Variants in HOXB3 observed in about 807,000 individuals in gnomAD.
The protein encoded by HOXB3 is homeobox B3, also known as homeobox protein Hox-B3.
A neutral mutation model predicts 29.2 loss-of-function variants in HOXB3; 17 were observed. The observed-to-expected ratio is 0.58, with a 90% confidence interval of 0.40 to 0.87. The LOEUF (loss-of-function observed/expected upper bound fraction) is 0.87. Among genes scored for constraint, HOXB3 ranks in the 40% least tolerant of loss-of-function variants. HOXB3 has a pLI of 0.00. For synonymous variants in HOXB3, 317 were observed against 285.9 expected (o/e 1.11, Z -1.10); for missense variants, 637 against 616.3 (o/e 1.03, Z -0.35).
At chr17:48,578,054 A>G (rs2144891453) in intron 1 of HOXB3, 1 of 844,586 alleles carries the variant, frequency 1.2e-6, no homozygotes, top group Non-Finnish European at 1.5e-6. Context: ...CCGAGGGGAC[A>G]GACCGGGCGG....
At chr17:48,577,910 T>G (rs754555274) in intron 1 of HOXB3, 1 of 1,376,854 alleles carries the variant, frequency 7.3e-7, no homozygotes, top group Non-Finnish European at 9.4e-7. Flanking sequence ...GACGGGCTCT[T>G]TGCACGCGGA....
At chr17:48,568,945 A>C (rs2069484367) in intron 2 of HOXB3, among the ~76,000 whole-genome samples, 1 of 152,184 alleles carries the variant, frequency 6.6e-6, no homozygotes, top group Non-Finnish European at 1.5e-5. Flanking sequence ...AAGACGCGGT[A>C]GGTAGTGAGA....
At chr17:48,562,044 A>C (rs929365047) in intron 2 of HOXB3, among the ~76,000 whole-genome samples, 1 of 152,076 alleles carries the variant, frequency 6.6e-6, no homozygotes. Flanking sequence ...CTGAGCACCA[A>C]CCCGATGCCT....
chr17:48,572,706 T>C (rs1044641644), intron 2 of HOXB3, among the ~76,000 whole-genome samples: 1 of 152,204 alleles, frequency 6.6e-6, no homozygotes, highest in African/African-American at 2.4e-5. Flanking sequence ...TTACGTTTTT[T>C]TCCCCCAGTG....
chr17:48,563,998 C>T (rs2069292073), intron 2 of HOXB3, among the ~76,000 whole-genome samples: 1 of 152,200 alleles, frequency 6.6e-6, no homozygotes, highest in African/African-American at 2.4e-5. Context: ...ACACGCCCAC[C>T]CAAACAGCTC....
At chr17:48,573,138 C>T (rs1052373198) in intron 2 of HOXB3, among the ~76,000 whole-genome samples, 13 of 152,184 alleles carry the variant, frequency 8.5e-5, no homozygotes, top group African/African-American at 3.1e-4. Flanking sequence ...CCAAACCAAA[C>T]CAAACCAACA....
intron 1 of HOXB3, among the ~76,000 whole-genome samples, chr17:48,585,690 C>G (rs956503271): frequency 6.6e-6 from 1 of 152,258 alleles, no homozygotes; most frequent in Admixed American, 6.5e-5. Context: ...TTTCTCCCTC[C>G]TTGGGATCCC....
In HOXB3 at chr17:48,552,584, A is replaced by G. The variant is rs866397269; in HGVS notation, c.-110T>C. The G allele has an allele frequency of 8.1e-4, 479 of 592,334 alleles. 6 individuals carry two copies. In the African/African-American group the frequency reaches 0.014, roughly 18 times the overall value. The allele number at this position is 592,334 out of a possible 1,614,324, so 36.7% of individuals were successfully genotyped here. A position where few individuals can be genotyped will look rare whatever the true frequency, so the allele number is the denominator to read the frequency against. The stretch of plus-strand genomic sequence containing the variant: ...GTGACACGCCGGACCCCCCCCCCCC[A>G]CCTCCCCTCTCTGCCCCCCTCCTCC... On this transcript the variant is annotated 5_prime_UTR_variant, in exon 4 of 5. Coordinates refer to ENST00000498678, the MANE Select transcript of HOXB3 (RefSeq NM_001384749.1).
chr17:48,572,586 G>A (rs2069618445), intron 2 of HOXB3, among the ~76,000 whole-genome samples: 1 of 152,202 alleles, frequency 6.6e-6, no homozygotes, highest in Non-Finnish European at 1.5e-5. Flanking sequence ...GGACCTGGGA[G>A]TGGTTGCGGG....
rs190646248 is a variant in HOXB3 at position 48,588,085 on chromosome 17, G to A, written c.-425+2040C>T. 3.8e-3 allele frequency among the ~76,000 whole-genome samples: 580 copies of A among 152,328 alleles called. 5 individuals carry two copies. The highest frequency in any genetic ancestry group is 0.013 in the African/African-American group (556 of 41,568). ...AGAGGGAGACAGCCTGGGAGGGCAG[G>A]AGGAGAGGACAGAGGTCTGGGGCAG... On this transcript the variant is annotated intron_variant, in intron 1 of 4. Transcript: ENST00000498678.
chr17:48,576,302 C>T (rs2069758342), intron 1 of HOXB3: 1 of 156,390 alleles, frequency 6.4e-6, no homozygotes, highest in African/African-American at 2.4e-5. Flanking sequence ...CACCGAGGCC[C>T]GTCTTCTCCT....
intron 1 of HOXB3, among the ~76,000 whole-genome samples, chr17:48,586,694 C>T (rs1468147224): frequency 6.6e-6 from 1 of 152,158 alleles, no homozygotes; most frequent in Non-Finnish European, 1.5e-5. Context: ...CGCCTCCTTC[C>T]TTTTCATTTA....
Position 48,574,012 on chromosome 17 carries a change from T to C in HOXB3, c.-422A>G. The C allele has an allele frequency of 4.7e-6, 3 of 635,670 alleles. No homozygotes were observed. Among genetic ancestry groups the C allele is most frequent in the Non-Finnish European group, 2.8e-6 (1 of 356,426 alleles). 39.4% of individuals were successfully genotyped at this position (635,670 alleles called of 1,614,324 possible). A position where few individuals can be genotyped will look rare whatever the true frequency, so the allele number is the denominator to read the frequency against. ...CCCCCAACAGCCGGTCCAAGGAGAT[T>C]TGCTGTTGAATAATAACAAAGGAGA... On this transcript the variant is annotated splice_region_variant and 5_prime_UTR_variant, in exon 2 of 5. Transcript: ENST00000498678.
Position 48,554,732 on chromosome 17 carries a change from C to G in HOXB3, c.-159+799G>C, listed in dbSNP as rs1350264947. The G allele has an allele frequency of 1.4e-6, 1 of 702,382 alleles. No individual in the cohort carries two copies. The highest frequency in any genetic ancestry group is 2.6e-6 in the Non-Finnish European group (1 of 384,828). The allele number at this position is 702,382 out of a possible 1,614,324, so 43.5% of individuals were successfully genotyped here. A position where few individuals can be genotyped will look rare whatever the true frequency, so the allele number is the denominator to read the frequency against. On this transcript the variant is annotated intron_variant, in intron 3 of 4. Transcript: ENST00000498678. This position sits in a 1 kb window ranked among gnomAD's most constrained non-coding sequence, Gnocchi z 4.1. ...CCAGCCGGCCGAGGGCCGAGCCCCGCGGGCGGCAGCAAGTTTTGGGAGCTG... is the reference window on the plus strand; with the variant it reads ...CCAGCCGGCCGAGGGCCGAGCCCCGGGGGCGGCAGCAAGTTTTGGGAGCTG...
chr17:48,549,899 GAA>G lies in HOXB3; in HGVS notation c.*433_*434del, dbSNP rs60329254. On this transcript the variant is annotated 3_prime_UTR_variant, in exon 5 of 5. Coordinates refer to ENST00000498678, the MANE Select transcript of HOXB3 (RefSeq NM_001384749.1). Reference sequence around the variant, plus strand: ...TCTTATTTTTTAAAGGATAATTGAGGAAAAAAAAAAATCAAGATTTGGGGGGA... The same window carrying G: ...TCTTATTTTTTAAAGGATAATTGAGGAAAAAAAAATCAAGATTTGGGGGGA... 6.8e-3 allele frequency: 1,054 copies of G among 155,456 alleles called. 5 individuals carry two copies. Among genetic ancestry groups the G allele is most frequent in the African/African-American group, 0.018 (747 of 41,028 alleles). The allele number at this position is 155,456 out of a possible 1,614,324, so 9.6% of individuals were successfully genotyped here.
At chr17:48,562,762 A>G (rs567642435) in intron 2 of HOXB3, among the ~76,000 whole-genome samples, 134 of 152,328 alleles carry the variant, frequency 8.8e-4, no homozygotes, top group African/African-American at 3.2e-3. Context: ...GAGGCGAGGA[A>G]AGATAATTCT....
Position 48,552,534 on chromosome 17 carries a change from G to A in HOXB3, c.-60C>T. 8 of 1,372,332 alleles carry A rather than the reference G, an allele frequency of 5.8e-6. No individual in the cohort carries two copies. In the South Asian group the frequency reaches 7.1e-5, roughly 12 times the overall value. 85.0% of individuals were successfully genotyped at this position (1,372,332 alleles called of 1,614,324 possible). A position where few individuals can be genotyped will look rare whatever the true frequency, so the allele number is the denominator to read the frequency against. On this transcript the variant is annotated 5_prime_UTR_variant, in exon 4 of 5. Transcript: ENST00000498678. ...GGAAAGGCCTGATACCCTCAGGACCGGACATTGGCAACCCTGGGGGTCACG... is the reference window on the plus strand; with the variant it reads ...GGAAAGGCCTGATACCCTCAGGACCAGACATTGGCAACCCTGGGGGTCACG...
intron 2 of HOXB3, among the ~76,000 whole-genome samples, chr17:48,564,819 G>A (rs1280019242): frequency 6.6e-6 from 1 of 152,238 alleles, no homozygotes; most frequent in Non-Finnish European, 1.5e-5. Context: ...CGGCAATGGA[G>A]GGAACAGAGC....
At chr17:48,581,467 A>C (rs2069934714) in intron 1 of HOXB3, 1 of 152,222 alleles carries the variant, frequency 6.6e-6, no homozygotes, top group South Asian at 2.1e-4. Context: ...GATCCCCACC[A>C]GCTCCCTAGC....
Sources: allele counts gnomAD v4.1 joint callset (sites outside exome capture counted in the v4.1 genomes callset), GRCh38; gene constraint gnomAD v4.1.1; non-coding constraint Gnocchi (gnomAD v3.1); transcripts MANE v1.5; gene names NCBI Gene and HGNC (gene_info 2026-07-23, HGNC 2026-07-21).